Variants in IGF2BP3 observed in about 807,000 individuals in gnomAD.
IGF2BP3 encodes insulin like growth factor 2 mRNA binding protein 3.
Under a neutral mutation model 73.8 loss-of-function variants are expected in IGF2BP3, and 9 were observed. The observed-to-expected ratio is 0.12, with a 90% CI of 0.07 to 0.21. The LOEUF (loss-of-function observed/expected upper bound fraction) is 0.21. Ranked by LOEUF, IGF2BP3 falls within the 10% of genes least tolerant of loss-of-function variation. IGF2BP3 has a pLI of 1.00. For synonymous variants in IGF2BP3, 258 were observed against 256.7 expected (o/e 1.01, Z -0.05); for missense variants, 542 against 714.0 (o/e 0.76, Z 2.75).
At chr7:23,380,234 G>A (rs1364059789) in intron 3 of IGF2BP3, among the ~76,000 whole-genome samples, 2 of 137,718 alleles carry the variant, frequency 1.5e-5, no homozygotes, top group Non-Finnish European at 3.0e-5. Flanking sequence ...CACGATCTCA[G>A]CTCACTGCAA....
chr7:23,358,004 GCAAT>G (rs1383000455), intron 5 of IGF2BP3, among the ~76,000 whole-genome samples: 1 of 152,212 alleles, frequency 6.6e-6, no homozygotes, highest in Non-Finnish European at 1.5e-5. Context: ...AGCAGAAGCA[GCAAT>G]CAAACATGTT....
At chr7:23,404,401 T>C (rs934769431) in intron 3 of IGF2BP3, among the ~76,000 whole-genome samples, 1 of 152,138 alleles carries the variant, frequency 6.6e-6, no homozygotes, top group Admixed American at 6.5e-5. Flanking sequence ...TTTGTATATA[T>C]ACCTGGACAC....
chr7:23,336,290 C>T (rs923177015), intron 10 of IGF2BP3, among the ~76,000 whole-genome samples: 7 of 152,102 alleles, frequency 4.6e-5, no homozygotes, highest in African/African-American at 1.7e-4. Flanking sequence ...ACCTACAAGA[C>T]ATCAAGGATA....
chr7:23,380,510 A>C (rs796898874), intron 3 of IGF2BP3, among the ~76,000 whole-genome samples: 6 of 152,164 alleles, frequency 3.9e-5, no homozygotes, highest in African/African-American at 1.4e-4. Flanking sequence ...CATGCAATTT[A>C]ATATGGTTCA....
intron 3 of IGF2BP3, among the ~76,000 whole-genome samples, chr7:23,362,934 T>G (rs1356156272): frequency 6.6e-6 from 1 of 151,814 alleles, no homozygotes; most frequent in African/African-American, 2.4e-5. Flanking sequence ...TTAAAATTTT[T>G]TGTAGAGATG....
chr7:23,404,411 C>A (rs1786764391), intron 3 of IGF2BP3, among the ~76,000 whole-genome samples: 1 of 152,058 alleles, frequency 6.6e-6, no homozygotes. Context: ...TACCTGGACA[C>A]ATGTGAGAGT....
At chr7:23,393,830 T>C (rs1282706514) in intron 3 of IGF2BP3, among the ~76,000 whole-genome samples, 3 of 152,160 alleles carry the variant, frequency 2.0e-5, no homozygotes, top group African/African-American at 2.4e-5. Flanking sequence ...CTAGGATCAG[T>C]GAGAAGAGTC....
intron 2 of IGF2BP3, among the ~76,000 whole-genome samples, chr7:23,422,543 C>A (rs2390750): frequency 0.75 from 114,365 of 152,104 alleles, 44,170 homozygotes; most frequent in African/African-American, 0.94. Flanking sequence ...CAAGGGATTG[C>A]GACCCTGTCT....
chr7:23,351,969 C>T (rs1784974336), intron 5 of IGF2BP3, among the ~76,000 whole-genome samples: 1 of 152,196 alleles, frequency 6.6e-6, no homozygotes, highest in African/African-American at 2.4e-5. Context: ...GGGCTTCTTG[C>T]CTTGGCTAAT....
At chr7:23,411,783 C>A (rs1367082301) in intron 3 of IGF2BP3, among the ~76,000 whole-genome samples, 1 of 152,024 alleles carries the variant, frequency 6.6e-6, no homozygotes, top group African/African-American at 2.4e-5. Flanking sequence ...TACTCTCTTC[C>A]CCAGGAAGTC....
chr7:23,406,130 T>C (rs988677185), intron 3 of IGF2BP3, among the ~76,000 whole-genome samples: 9 of 151,066 alleles, frequency 6.0e-5, no homozygotes. Context: ...GCCAAAAAGG[T>C]TGGGGATCAC....
At chr7:23,330,119 C>T (rs1049273198) in intron 10 of IGF2BP3, among the ~76,000 whole-genome samples, 2 of 151,716 alleles carry the variant, frequency 1.3e-5, no homozygotes, top group South Asian at 4.2e-4. Flanking sequence ...ACCCCATCTC[C>T]ACTGAAAATA....
At chr7:23,440,790 G>C (rs1195052100) in intron 2 of IGF2BP3, among the ~76,000 whole-genome samples, 1 of 152,124 alleles carries the variant, frequency 6.6e-6, no homozygotes, top group African/African-American at 2.4e-5. Flanking sequence ...CTAAGTCAAA[G>C]TTTTAGCTTT....
intron 2 of IGF2BP3, among the ~76,000 whole-genome samples, chr7:23,431,638 G>A (rs1202530617): frequency 6.6e-6 from 1 of 150,894 alleles, no homozygotes; most frequent in Non-Finnish European, 1.5e-5. Context: ...GAAGGAAGGG[G>A]GAAAAAAAAA....
intron 2 of IGF2BP3, among the ~76,000 whole-genome samples, chr7:23,447,425 A>G (rs1353827573): frequency 6.6e-6 from 1 of 152,006 alleles, no homozygotes; most frequent in Non-Finnish European, 1.5e-5. Flanking sequence ...GGAGTCTGAC[A>G]CCAGCCTGGC....
At chr7:23,446,114 G>A (rs1053369521) in intron 2 of IGF2BP3, among the ~76,000 whole-genome samples, 4 of 152,102 alleles carry the variant, frequency 2.6e-5, no homozygotes, top group East Asian at 1.9e-4. Context: ...ATACCACCAC[G>A]TTAATACACT....
intron 12 of IGF2BP3, among the ~76,000 whole-genome samples, chr7:23,315,113 TTTTTTTTA>T (rs1484307448): frequency 2.0e-5 from 3 of 151,488 alleles, no homozygotes; most frequent in Non-Finnish European, 2.9e-5. Flanking sequence ...TGCCTTTTAT[TTTTTTTTA>T]TTTTTTTATT....
chr7:23,448,054 T>C (rs928168000), intron 2 of IGF2BP3, among the ~76,000 whole-genome samples: 3 of 152,140 alleles, frequency 2.0e-5, no homozygotes, highest in Non-Finnish European at 4.4e-5. Context: ...TTAACTAATA[T>C]TTACCCAGGG....
chr7:23,356,031 GGAAAGAGAAAGAAAAAA>G (rs1785089164), intron 5 of IGF2BP3, among the ~76,000 whole-genome samples: 1 of 151,822 alleles, frequency 6.6e-6, no homozygotes, highest in South Asian at 2.1e-4. Flanking sequence ...AGGAAGAGGG[GGAAAGAGAAAGAAAAAA>G]GGAGAAGAAA....
Sources: allele counts gnomAD v4.1 joint callset (sites outside exome capture counted in the v4.1 genomes callset), GRCh38; gene constraint gnomAD v4.1.1; transcripts MANE v1.5; gene names NCBI Gene and HGNC (gene_info 2026-07-23, HGNC 2026-07-21).